The following WWOX variants were observed in gnomAD, a reference collection of about 807,000 sequenced individuals.
The protein encoded by WWOX is WW domain-containing oxidoreductase.
Under a neutral mutation model 46.2 loss-of-function variants are expected in WWOX, and 69 were observed. The observed-to-expected ratio is 1.49, with a 90% confidence interval of 1.23 to 1.82. The LOEUF (loss-of-function observed/expected upper bound fraction) is 1.82, where lower values mean the gene tolerates loss of function less well. Among genes scored for constraint, WWOX ranks in the 40% most tolerant of loss-of-function variants. The probability of loss-of-function intolerance (pLI) is 0.00; values close to 1 mark genes in which losing one functional copy is unlikely to be tolerated. For missense variants in WWOX, 919 were observed against 542.6 expected (o/e 1.69, Z -6.89); for synonymous variants, 359 against 202.6 (o/e 1.77, Z -6.56).
intron 5 of WWOX, among the ~76,000 whole-genome samples, chr16:78,323,044 AAAG>A (rs148672987): frequency 0.013 from 2,011 of 152,266 alleles, 56 homozygotes; most frequent in African/African-American, 0.046. Flanking sequence ...TCTGTCTCAA[AAAG>A]AAGAAAATAA....
intron 8 of WWOX, among the ~76,000 whole-genome samples, chr16:78,482,382 T>A (rs1048182379): frequency 2.0e-5 from 3 of 152,122 alleles, no homozygotes; most frequent in African/African-American, 7.2e-5. Flanking sequence ...CCACCATAGC[T>A]GGCTAATTTT....
At chr16:79,204,387 C>G (rs913138154) in intron 8 of WWOX, 1 of 152,092 alleles carries the variant, frequency 6.6e-6, no homozygotes, top group Non-Finnish European at 1.5e-5. Flanking sequence ...TGCCTTGAAG[C>G]CGTTTCTTTT....
chr16:78,290,503 G>A (rs900272544), intron 5 of WWOX, among the ~76,000 whole-genome samples: 4 of 152,072 alleles, frequency 2.6e-5, no homozygotes, highest in African/African-American at 4.8e-5. Flanking sequence ...CCTGTTGTTC[G>A]GTAAATCTGT....
intron 8 of WWOX, among the ~76,000 whole-genome samples, chr16:79,187,636 A>C (rs895077354): frequency 3.9e-5 from 6 of 151,936 alleles, no homozygotes; most frequent in African/African-American, 1.5e-4. Flanking sequence ...TGAACTCCTG[A>C]CCTCAAGTGA....
intron 8 of WWOX, among the ~76,000 whole-genome samples, chr16:78,973,493 C>A (rs780655116): frequency 6.6e-6 from 1 of 152,220 alleles, no homozygotes; most frequent in African/African-American, 2.4e-5. Context: ...TCAAACATCT[C>A]TAACAACATG....
chr16:78,118,704 C>G (rs12917833), intron 4 of WWOX, among the ~76,000 whole-genome samples: 21,116 of 152,126 alleles, frequency 0.14, 1,721 homozygotes, highest in East Asian at 0.23. Context: ...AAAAAAGTGC[C>G]GACTGCTATG....
intron 8 of WWOX, among the ~76,000 whole-genome samples, chr16:79,054,711 A>C (rs2048230870): frequency 6.6e-6 from 1 of 152,110 alleles, no homozygotes; most frequent in Admixed American, 6.6e-5. Flanking sequence ...TGTAAGTCCT[A>C]GCTACTCAGG....
chr16:78,933,626 A>T (rs920884282), intron 8 of WWOX, among the ~76,000 whole-genome samples: 1 of 152,152 alleles, frequency 6.6e-6, no homozygotes, highest in African/African-American at 2.4e-5. Flanking sequence ...AAAAGAAAGA[A>T]GTTTATTGGA....
chr16:78,836,721 A>G (rs1457639076), intron 8 of WWOX, among the ~76,000 whole-genome samples: 3 of 152,188 alleles, frequency 2.0e-5, no homozygotes, highest in African/African-American at 2.4e-5. Context: ...TATCAGGCAG[A>G]TGGTAAGTGG....
At chr16:78,897,566 G>C (rs1027956245) in intron 8 of WWOX, 4 of 152,108 alleles carry the variant, frequency 2.6e-5, no homozygotes, top group African/African-American at 7.2e-5. Flanking sequence ...TCGCTTATCT[G>C]TGCACCTGTT....
At chr16:78,305,761 C>G (rs1317923836) in intron 5 of WWOX, among the ~76,000 whole-genome samples, 1 of 152,130 alleles carries the variant, frequency 6.6e-6, no homozygotes, top group Non-Finnish European at 1.5e-5. Context: ...GTGGATAGTT[C>G]AAGTTAGTTT....
intron 8 of WWOX, among the ~76,000 whole-genome samples, chr16:79,157,685 G>GT (rs1267752945): frequency 6.6e-6 from 1 of 152,318 alleles, no homozygotes; most frequent in Non-Finnish European, 1.5e-5. Context: ...AAGACAGTTT[G>GT]TGAGAGTTGT....
At chr16:78,830,119 A>T (rs1190964948) in intron 8 of WWOX, among the ~76,000 whole-genome samples, 1 of 152,076 alleles carries the variant, frequency 6.6e-6, no homozygotes, top group Non-Finnish European at 1.5e-5. Flanking sequence ...ATTTACATGA[A>T]AAAAAATAAA....
At chr16:78,623,913 C>G (rs576120049) in intron 8 of WWOX, among the ~76,000 whole-genome samples, 1 of 152,282 alleles carries the variant, frequency 6.6e-6, no homozygotes, top group African/African-American at 2.4e-5. Context: ...AGGAGCAGCT[C>G]ATGTGACCAG....
intron 8 of WWOX, among the ~76,000 whole-genome samples, chr16:79,087,636 C>T (rs192737343): frequency 6.6e-6 from 1 of 152,210 alleles, no homozygotes; most frequent in South Asian, 2.1e-4. Flanking sequence ...GAATTACCTG[C>T]CGATGGCTGT....
intron 7 of WWOX, among the ~76,000 whole-genome samples, chr16:78,426,332 C>T (rs573854156): frequency 1.3e-5 from 2 of 152,226 alleles, no homozygotes; most frequent in Admixed American, 6.5e-5. Context: ...TGGAGGGCAC[C>T]ACGGGATATG....
intron 8 of WWOX, among the ~76,000 whole-genome samples, chr16:78,586,616 A>T (rs2045215559): frequency 6.6e-6 from 1 of 152,224 alleles, no homozygotes; most frequent in Admixed American, 6.5e-5. Context: ...CAATGTAACC[A>T]AGTCACAATT....
At chr16:78,946,513 T>C (rs1358527717) in intron 8 of WWOX, among the ~76,000 whole-genome samples, 1 of 151,994 alleles carries the variant, frequency 6.6e-6, no homozygotes, top group African/African-American at 2.4e-5. Flanking sequence ...AAAGAAATAG[T>C]CAAGAAGTTT....
intron 8 of WWOX, among the ~76,000 whole-genome samples, chr16:78,638,495 G>T (rs994731517): frequency 6.6e-6 from 1 of 152,072 alleles, no homozygotes. Flanking sequence ...CTTGGGCTCT[G>T]ATAAGATCTG....
Sources: gnomAD v4.1 joint callset for allele counts (sites outside exome capture counted in the v4.1 genomes callset) on GRCh38, gnomAD v4.1.1 for gene constraint, MANE v1.5 for transcripts, NCBI Gene and HGNC (gene_info 2026-07-23, HGNC 2026-07-21) for gene names.